Variants in TGIF1 observed in about 807,000 individuals in gnomAD.
TGIF1 encodes the protein TGFB induced factor homeobox 1, also known as homeobox protein TGIF1.
Under a neutral mutation model 19.3 loss-of-function variants are expected in TGIF1, and 4 were observed. The ratio of observed to expected loss-of-function variants is 0.21; its 90% CI spans 0.10 to 0.47. TGIF1 has a LOEUF of 0.47. Among genes scored for constraint, TGIF1 ranks in the 20% least tolerant of loss-of-function variants. TGIF1 has a pLI of 0.98. For synonymous variants in TGIF1, 122 were observed against 129.3 expected, an observed-to-expected ratio of 0.94 and a Z score of 0.38; for missense variants, 275 against 341.4, an observed-to-expected ratio of 0.81 and a Z score of 1.53.
At chr18:3,414,972 A>C (rs1354861009) in intron 1 of TGIF1, among the ~76,000 whole-genome samples, 2 of 152,226 alleles carry the variant, frequency 1.3e-5, no homozygotes, top group African/African-American at 4.8e-5. Context: ...TACACTTCTA[A>C]ATTCTTTCTA....
At chr18:3,433,203 A>G (rs2082572807) in intron 2 of TGIF1, among the ~76,000 whole-genome samples, 1 of 151,160 alleles carries the variant, frequency 6.6e-6, no homozygotes. Flanking sequence ...CCTCCCAAGT[A>G]GCTAGGATTA....
chr18:3,446,058 C>G (rs113202318), upstream of TGIF1, among the ~76,000 whole-genome samples: 2 of 152,054 alleles, frequency 1.3e-5, no homozygotes, highest in Non-Finnish European at 2.9e-5. Flanking sequence ...AAAAAAATAA[C>G]TAACATCACT....
chr18:3,419,700 C>A (rs1348423703), intron 2 of TGIF1, among the ~76,000 whole-genome samples: 2 of 152,144 alleles, frequency 1.3e-5, no homozygotes, highest in Non-Finnish European at 2.9e-5. Context: ...AAAAATTAGT[C>A]TCCAACTCAA....
Position 3,451,478 on chromosome 18 carries a change from G to A in TGIF1, c.16+973G>A, listed in dbSNP as rs2082924652. The A allele has an allele frequency of 1.0e-6, 1 of 987,964 alleles. No homozygotes were observed. The highest frequency in any genetic ancestry group is 5.2e-4 in the Middle Eastern group (1 of 1,926). The allele number at this position is 987,964 out of a possible 1,614,324, so 61.2% of individuals were successfully genotyped here. On this transcript the variant is annotated intron_variant, in intron 1 of 2. Coordinates refer to ENST00000343820, the MANE Select transcript of TGIF1 (RefSeq NM_003244.4). The surrounding 1 kb of genome is among the most constrained non-coding windows in gnomAD (Gnocchi z 5.4). ...TGTTCCGCTGTGGGCTGGAGGTGGC[G>A]TTTCTGTCGTGATTTATGTGGAGTG...
intron 2 of TGIF1, among the ~76,000 whole-genome samples, chr18:3,429,888 C>G (rs2082524587): frequency 6.6e-6 from 1 of 152,222 alleles, no homozygotes; most frequent in African/African-American, 2.4e-5. Flanking sequence ...GGCACAGTGG[C>G]TTGTGCCTGT....
In TGIF1 at chr18:3,458,956, A is replaced by G. The variant is rs892016340; in HGVS notation, c.*1016A>G. The G allele has an allele frequency of 2.6e-5, 4 of 152,214 alleles. No homozygotes were observed. The highest frequency in any genetic ancestry group is 9.7e-5 in the African/African-American group (4 of 41,442). 9.4% of individuals were successfully genotyped at this position (152,214 alleles called of 1,614,324 possible). A position where few individuals can be genotyped will look rare whatever the true frequency, so the allele number is the denominator to read the frequency against. On this transcript the variant is annotated 3_prime_UTR_variant, in exon 3 of 3. Coordinates refer to ENST00000343820, the MANE Select transcript of TGIF1 (RefSeq NM_003244.4). ...TGAAATAAACGGTGGGGTTCTGTCTATGGTGGGATTGTCAGTTTATTAGGT... is the reference window on the plus strand; with the variant it reads ...TGAAATAAACGGTGGGGTTCTGTCTGTGGTGGGATTGTCAGTTTATTAGGT...
chr18:3,450,546 C>G, intron 1 of TGIF1, 41 bp downstream of exon 1: 1 of 1,554,866 alleles, frequency 6.4e-7, no homozygotes, highest in South Asian at 1.2e-5. Flanking sequence ...AGACGCGAGT[C>G]CGGGGAAACG....
chr18:3,415,302 G>A (rs946333460), intron 1 of TGIF1: 1 of 278,832 alleles, frequency 3.6e-6, no homozygotes, highest in Non-Finnish European at 7.7e-6. Context: ...CTGAGGGTTC[G>A]GTGTCCACAC....
In TGIF1 at chr18:3,458,914, A is replaced by C. The variant is rs1284481128; in HGVS notation, c.*974A>C. ...AAATTACCTTTTAAAACATCTCAAA[A>C]GTGTTTTCTAAAATGATGAAATAAA... On this transcript the variant is annotated 3_prime_UTR_variant, in exon 3 of 3. Coordinates refer to ENST00000343820, the MANE Select transcript of TGIF1 (RefSeq NM_003244.4). 2 of 152,212 alleles carry C rather than the reference A, an allele frequency of 1.3e-5. No homozygotes were observed. Among genetic ancestry groups the C allele is most frequent in the East Asian group, 3.8e-4 (2 of 5,198 alleles). The allele number at this position is 152,212 out of a possible 1,614,324, so 9.4% of individuals were successfully genotyped here.
At chr18:3,446,953 G>A (rs1029744131), upstream of TGIF1, among the ~76,000 whole-genome samples, 4 of 152,166 alleles carry the variant, frequency 2.6e-5, no homozygotes, top group Non-Finnish European at 5.9e-5. Context: ...TTGAGTAGAA[G>A]AAACAAATAC....
chr18:3,427,842 C>T (rs1383256490), intron 2 of TGIF1, among the ~76,000 whole-genome samples: 1 of 152,156 alleles, frequency 6.6e-6, no homozygotes, highest in Non-Finnish European at 1.5e-5. Flanking sequence ...GCAGGTGATC[C>T]GCCTGCCTGG....
At chr18:3,445,828 G>A (rs16973789), upstream of TGIF1, among the ~76,000 whole-genome samples, 7,747 of 141,420 alleles carry the variant, frequency 0.055, 250 homozygotes, top group Middle Eastern at 0.093. Flanking sequence ...AAAACTGGAG[G>A]TAGATTTCAG....
At chr18:3,427,905 A>T (rs1040175187) in intron 2 of TGIF1, among the ~76,000 whole-genome samples, 1 of 152,202 alleles carries the variant, frequency 6.6e-6, no homozygotes, top group African/African-American at 2.4e-5. Context: ...CGGCCTCAGA[A>T]TATATTCTTA....
At chr18:3,426,916 CT>C (rs545236407) in intron 2 of TGIF1, among the ~76,000 whole-genome samples, 9,310 of 100,270 alleles carry the variant, frequency 0.093, 237 homozygotes, top group African/African-American at 0.17. Context: ...AGGATGATCT[CT>C]TTTTTTTTTT....
chr18:3,448,079 G>A (rs1489533384), upstream of TGIF1: 4 of 977,562 alleles, frequency 4.1e-6, no homozygotes, highest in Non-Finnish European at 4.8e-6. Context: ...CGGGCGGGGG[G>A]GGAGGTAGGG....
At chr18:3,420,727 C>T (rs146582297) in intron 2 of TGIF1, among the ~76,000 whole-genome samples, 1 of 152,316 alleles carries the variant, frequency 6.6e-6, no homozygotes, top group African/African-American at 2.4e-5. Flanking sequence ...GACAAATTAT[C>T]TCCTGCAATA....
intron 1 of TGIF1, among the ~76,000 whole-genome samples, chr18:3,417,385 C>G (rs1346872938): frequency 6.6e-6 from 1 of 152,186 alleles, no homozygotes; most frequent in East Asian, 1.9e-4. Flanking sequence ...ATCTCAAACT[C>G]CTGACCTCAG....
At chr18:3,442,521 C>G (rs1037911755) in intron 2 of TGIF1, among the ~76,000 whole-genome samples, 2 of 151,600 alleles carry the variant, frequency 1.3e-5, no homozygotes, top group Non-Finnish European at 2.9e-5. Flanking sequence ...TAGGCTGTCC[C>G]TTACTTATCA....
intron 2 of TGIF1, among the ~76,000 whole-genome samples, chr18:3,429,021 C>T (rs1484447434): frequency 6.6e-6 from 1 of 152,130 alleles, no homozygotes; most frequent in Non-Finnish European, 1.5e-5. Flanking sequence ...CCACTGCACT[C>T]CAGCCTGGGT....
Sources: gnomAD v4.1 joint callset for allele counts (sites outside exome capture counted in the v4.1 genomes callset) on GRCh38, gnomAD v4.1.1 for gene constraint, Gnocchi (gnomAD v3.1) non-coding constraint, MANE v1.5 for transcripts, NCBI Gene and HGNC (gene_info 2026-07-23, HGNC 2026-07-21) for gene names.